Variants in LYPD6B observed in about 807,000 individuals in gnomAD.
The protein encoded by LYPD6B is LY6/PLAUR domain containing 6B.
LYPD6B carries 17 observed loss-of-function variants against 22.8 expected under a neutral mutation model. That is an observed-to-expected ratio of 0.75 (90% confidence interval 0.51 to 1.12). The LOEUF (loss-of-function observed/expected upper bound fraction) is 1.12, where lower values mean the gene tolerates loss of function less well. LYPD6B is among the 50% of genes most tolerant of loss of function. The pLI is 0.00. For synonymous variants in LYPD6B, 106 were observed against 91.6 expected (o/e 1.16, Z -0.90); for missense variants, 221 against 258.3 (o/e 0.86, Z 0.99).
chr2:149,197,785 A>G (rs1356344459), intron 3 of LYPD6B, among the ~76,000 whole-genome samples: 1 of 152,158 alleles, frequency 6.6e-6, no homozygotes, highest in African/African-American at 2.4e-5. Flanking sequence ...CTATCCTCTC[A>G]TCCAGTATGG....
intron 1 of LYPD6B, among the ~76,000 whole-genome samples, chr2:149,096,518 G>T (rs749874373): frequency 3.9e-5 from 6 of 152,126 alleles, no homozygotes; most frequent in Non-Finnish European, 8.8e-5. Context: ...ATCCTGAATT[G>T]GGTCCTGAGC....
chr2:149,135,457 C>T (rs763017893), intron 2 of LYPD6B, among the ~76,000 whole-genome samples: 1 of 151,520 alleles, frequency 6.6e-6, no homozygotes, highest in Non-Finnish European at 1.5e-5. Flanking sequence ...CGGTGACTCA[C>T]GCTTGTAACC....
intron 3 of LYPD6B, among the ~76,000 whole-genome samples, chr2:149,182,743 T>C (rs1691828557): frequency 6.6e-6 from 1 of 152,240 alleles, no homozygotes. Context: ...GATATACTGT[T>C]ATTTACTGAA....
At chr2:149,197,439 G>A (rs1692882096) in intron 3 of LYPD6B, among the ~76,000 whole-genome samples, 1 of 152,224 alleles carries the variant, frequency 6.6e-6, no homozygotes, top group South Asian at 2.1e-4. Flanking sequence ...TTGAACCTGG[G>A]AGGTGGAGGT....
chr2:149,115,779 C>A (rs1279996446), intron 1 of LYPD6B, among the ~76,000 whole-genome samples: 1 of 152,228 alleles, frequency 6.6e-6, no homozygotes, highest in Non-Finnish European at 1.5e-5. Flanking sequence ...TCCATGGTTT[C>A]ACTTTCCAAG....
chr2:149,208,307 T>G lies in LYPD6B; in HGVS notation c.230-7T>G. On this transcript the variant is annotated splice_polypyrimidine_tract_variant and splice_region_variant and intron_variant, in intron 4 of 6. Coordinates refer to ENST00000409642, the MANE Select transcript of LYPD6B (RefSeq NM_177964.5). ...CTTACTGTTTCACTTTGCTTTTTTC[T>G]TTAAAGCTACACCATTTCCAAATAG... 1 of 1,612,052 alleles carries G rather than the reference T, an allele frequency of 6.2e-7. No individual in the cohort carries two copies.
At chr2:149,057,429 A>G (rs1226714802) in intron 1 of LYPD6B, among the ~76,000 whole-genome samples, 1 of 151,424 alleles carries the variant, frequency 6.6e-6, no homozygotes, top group Admixed American at 6.6e-5. Flanking sequence ...TCTTTTGATT[A>G]TATGAAAGGG....
intron 2 of LYPD6B, among the ~76,000 whole-genome samples, chr2:149,138,556 A>G (rs1688501646): frequency 6.6e-6 from 1 of 152,124 alleles, no homozygotes; most frequent in Admixed American, 6.5e-5. Context: ...TCTTTTTTTA[A>G]GTAGACACAG....
chr2:149,113,084 C>T (rs1686838372), intron 1 of LYPD6B, among the ~76,000 whole-genome samples: 1 of 152,038 alleles, frequency 6.6e-6, no homozygotes, highest in Admixed American at 6.6e-5. Flanking sequence ...TGGAATGCAT[C>T]AGAAAAATAA....
intron 3 of LYPD6B, among the ~76,000 whole-genome samples, chr2:149,178,409 G>A (rs929282723): frequency 1.3e-5 from 2 of 152,188 alleles, no homozygotes; most frequent in Non-Finnish European, 2.9e-5. Flanking sequence ...CTAAAAGTCA[G>A]TTTCCTATCA....
chr2:149,192,419 CT>C (rs11369954), intron 3 of LYPD6B, among the ~76,000 whole-genome samples: 2,102 of 125,106 alleles, frequency 0.017, 7 homozygotes, highest in Middle Eastern at 0.049. Context: ...AGGGGCAAGT[CT>C]TTTTTTTTTT....
At position 149,213,114 on chromosome 2, in the gene LYPD6B, G is replaced by T; in HGVS notation, c.451G>T (p.Glu151Ter). ...CGGTTGCCACCACAGCCGAGATTCTGAACATACGGTAAGGATCGTGTGTGT... is the reference window on the plus strand; with the variant it reads ...CGGTTGCCACCACAGCCGAGATTCTTAACATACGGTAAGGATCGTGTGTGT... ...FVGCHHSRDS[E>*]HTECRSCCEG... Residue 151 changes from glutamate to a stop codon, truncating the protein, a stop_gained, in exon 6 of 7, where the codon GAA becomes TAA. Transcript: ENST00000409642. LOFTEE classifies it high-confidence loss of function. 6.2e-7 allele frequency: 1 copy of T among 1,612,954 alleles called. No homozygotes were observed. Among genetic ancestry groups the T allele is most frequent in the South Asian group, 1.1e-5 (1 of 90,956 alleles).
At chr2:149,067,960 A>G (rs1684419599) in intron 1 of LYPD6B, among the ~76,000 whole-genome samples, 1 of 152,084 alleles carries the variant, frequency 6.6e-6, no homozygotes, top group Non-Finnish European at 1.5e-5. Flanking sequence ...ATAGGAGGGG[A>G]GAGGGAGGGA....
At chr2:149,187,460 CACAGT>C in intron 3 of LYPD6B, 1 of 1,523,794 alleles carries the variant, frequency 6.6e-7, no homozygotes, top group African/African-American at 1.4e-5. Flanking sequence ...AGATGAGAAT[CACAGT>C]AAACCAAACA....
At chr2:149,116,332 T>G (rs1344929802) in intron 1 of LYPD6B, among the ~76,000 whole-genome samples, 2 of 152,172 alleles carry the variant, frequency 1.3e-5, no homozygotes, top group African/African-American at 4.8e-5. Flanking sequence ...CCAGTGAGCA[T>G]CTTGGAATGT....
At chr2:149,205,773 C>T (rs1693472695) in intron 4 of LYPD6B, among the ~76,000 whole-genome samples, 1 of 152,010 alleles carries the variant, frequency 6.6e-6, no homozygotes, top group Non-Finnish European at 1.5e-5. Flanking sequence ...TTTCAAATGG[C>T]CATTAACAAT....
chr2:149,159,452 T>C (rs1689906707), intron 2 of LYPD6B, among the ~76,000 whole-genome samples: 1 of 152,176 alleles, frequency 6.6e-6, no homozygotes, highest in African/African-American at 2.4e-5. Context: ...CTCATGTTCT[T>C]ACAGCCTCTT....
chr2:149,164,325 T>A (rs558959789), intron 3 of LYPD6B, among the ~76,000 whole-genome samples: 1 of 152,090 alleles, frequency 6.6e-6, no homozygotes, highest in African/African-American at 2.4e-5. Flanking sequence ...TATCCTGAAG[T>A]CCTTCACTTG....
chr2:149,151,334 T>G (rs1430512598), intron 2 of LYPD6B, among the ~76,000 whole-genome samples: 1 of 152,134 alleles, frequency 6.6e-6, no homozygotes, highest in Non-Finnish European at 1.5e-5. Context: ...CTGTTATAGG[T>G]GCAGGGTGCT....
Sources: gnomAD v4.1 joint callset for allele counts (sites outside exome capture counted in the v4.1 genomes callset) on GRCh38, gnomAD v4.1.1 for gene constraint, MANE v1.5 for transcripts, NCBI Gene and HGNC (gene_info 2026-07-23, HGNC 2026-07-21) for gene names.